The following KCNK10 variants were observed in gnomAD, a reference collection of about 807,000 sequenced individuals.
KCNK10 encodes potassium channel subfamily K member 10.
KCNK10 carries 25 observed loss-of-function variants against 47.7 expected under a neutral mutation model. The ratio of observed to expected loss-of-function variants is 0.52; its 90% CI spans 0.38 to 0.73. The LOEUF (loss-of-function observed/expected upper bound fraction) is 0.73, where lower values mean the gene tolerates loss of function less well. KCNK10 is among the 30% of genes least tolerant of loss of function. The probability of loss-of-function intolerance (pLI) is 0.00; values close to 1 mark genes in which losing one functional copy is unlikely to be tolerated. For synonymous variants in KCNK10, 303 were observed against 285.6 expected (o/e 1.06, Z -0.61); for missense variants, 563 against 714.5 (o/e 0.79, Z 2.42).
At chr14:88,192,150 G>T (rs968657156) in intron 5 of KCNK10, 74 bp downstream of exon 5, 47 of 1,384,058 alleles carry the variant, frequency 3.4e-5, no homozygotes, top group Non-Finnish European at 4.3e-5. Flanking sequence ...ATCTTTTATC[G>T]ATTGCGAAAA....
chr14:88,300,155 C>T (rs527572713), intron 1 of KCNK10, among the ~76,000 whole-genome samples: 1 of 152,268 alleles, frequency 6.6e-6, no homozygotes, highest in South Asian at 2.1e-4. Context: ...CCTTTCTATC[C>T]CTTGAGCAAA....
At position 88,260,249 on chromosome 14, in the gene KCNK10, T is replaced by C. The variant is rs1887073841; in HGVS notation, c.402+2953A>G. 1.3e-5 allele frequency among the ~76,000 whole-genome samples: 2 copies of C among 152,114 alleles called. No individual in the cohort carries two copies. The highest frequency in any genetic ancestry group is 2.4e-5 in the African/African-American group (1 of 41,424). ...TAAGCCACCGCGCCAGGCCAAGATA[T>C]GGTTGTTTAAAAGTGTGTAGCATCC... On this transcript the variant is annotated intron_variant, in intron 2 of 6. Coordinates refer to ENST00000319231, the MANE Select transcript of KCNK10 (RefSeq NM_138317.3). The surrounding 1 kb of genome is among the most constrained non-coding windows in gnomAD (Gnocchi z 4.5).
chr14:88,283,729 G>A (rs1048032549), intron 1 of KCNK10, among the ~76,000 whole-genome samples: 1 of 152,100 alleles, frequency 6.6e-6, no homozygotes, highest in African/African-American at 2.4e-5. Flanking sequence ...GGCCAACATG[G>A]TGAAACCCCG....
chr14:88,199,786 A>C (rs1038121255), intron 4 of KCNK10, among the ~76,000 whole-genome samples: 1 of 152,226 alleles, frequency 6.6e-6, no homozygotes, highest in African/African-American at 2.4e-5. Flanking sequence ...CTATAGGCCC[A>C]GGAATAAAGG....
At chr14:88,307,779 T>C (rs1439305286) in intron 1 of KCNK10, among the ~76,000 whole-genome samples, 2 of 152,116 alleles carry the variant, frequency 1.3e-5, no homozygotes, top group African/African-American at 4.8e-5. Flanking sequence ...AATTACATAT[T>C]ATATGTTAAG....
chr14:88,199,413 G>C (rs1885028716), intron 4 of KCNK10, among the ~76,000 whole-genome samples: 1 of 152,176 alleles, frequency 6.6e-6, no homozygotes, highest in Non-Finnish European at 1.5e-5. Context: ...TGGGTTTCTT[G>C]CTAAGGGTGC....
chr14:88,270,541 C>T (rs1887379373), intron 1 of KCNK10, among the ~76,000 whole-genome samples: 1 of 152,156 alleles, frequency 6.6e-6, no homozygotes, highest in African/African-American at 2.4e-5. Flanking sequence ...AGCATTGCTC[C>T]CTGCTGTCTT....
At chr14:88,276,848 C>A (rs1017272196) in intron 1 of KCNK10, among the ~76,000 whole-genome samples, 5 of 152,264 alleles carry the variant, frequency 3.3e-5, no homozygotes, top group Non-Finnish European at 7.3e-5. Flanking sequence ...TCAGCTACAG[C>A]TGTCATGATA....
intron 2 of KCNK10, among the ~76,000 whole-genome samples, chr14:88,245,775 A>G (rs1886620132): frequency 6.6e-6 from 1 of 152,244 alleles, no homozygotes; most frequent in East Asian, 1.9e-4. Flanking sequence ...GGACGCTAAT[A>G]GCTGGATGAC....
chr14:88,246,547 T>C (rs532733595), intron 2 of KCNK10, among the ~76,000 whole-genome samples: 2 of 152,358 alleles, frequency 1.3e-5, no homozygotes, highest in African/African-American at 2.4e-5. Flanking sequence ...CATATAAATA[T>C]TCCACAGCCA....
At chr14:88,231,694 G>T (rs193190376) in intron 3 of KCNK10, among the ~76,000 whole-genome samples, 282 of 152,318 alleles carry the variant, frequency 1.9e-3, no homozygotes, top group African/African-American at 6.3e-3. Context: ...CTGAGAAAGG[G>T]ACTAGGGTGC....
At chr14:88,242,821 C>T (rs1886519695) in intron 2 of KCNK10, among the ~76,000 whole-genome samples, 3 of 152,166 alleles carry the variant, frequency 2.0e-5, no homozygotes, top group Admixed American at 1.3e-4. Context: ...TCTTCATTAT[C>T]AATTCAGCTC....
chr14:88,242,117 A>G (rs1350958817), intron 2 of KCNK10, among the ~76,000 whole-genome samples: 1 of 152,244 alleles, frequency 6.6e-6, no homozygotes, highest in Non-Finnish European at 1.5e-5. Flanking sequence ...TAGGGAGAGC[A>G]AGACACAAAT....
At chr14:88,314,913 T>C (rs761869750) in intron 1 of KCNK10, among the ~76,000 whole-genome samples, 2 of 152,104 alleles carry the variant, frequency 1.3e-5, no homozygotes, top group Non-Finnish European at 2.9e-5. Flanking sequence ...CACAGAAAAA[T>C]GAAGCAATGT....
At chr14:88,284,770 C>T (rs959202053) in intron 1 of KCNK10, among the ~76,000 whole-genome samples, 1 of 152,118 alleles carries the variant, frequency 6.6e-6, no homozygotes, top group Non-Finnish European at 1.5e-5. Flanking sequence ...ATGTTAATCT[C>T]CCCTACAACA....
At chr14:88,326,593 C>T, upstream of KCNK10, 1 of 675,074 alleles carries the variant, frequency 1.5e-6, no homozygotes, top group South Asian at 1.8e-5. Flanking sequence ...AACATCGTGG[C>T]GCAAAGTCTC....
intron 4 of KCNK10, among the ~76,000 whole-genome samples, chr14:88,207,620 A>G (rs1885323901): frequency 6.6e-6 from 1 of 152,200 alleles, no homozygotes; most frequent in Admixed American, 6.5e-5. Flanking sequence ...TCCAGCTTCA[A>G]GGTCATTTTC....
intron 1 of KCNK10, among the ~76,000 whole-genome samples, chr14:88,267,393 C>T (rs182118693): frequency 1.5e-4 from 22 of 148,356 alleles, no homozygotes; most frequent in East Asian, 5.9e-4. Context: ...TTTTTTGAGA[C>T]GGAGTCTTGC....
chr14:88,276,887 C>T (rs1887537431), intron 1 of KCNK10, among the ~76,000 whole-genome samples: 1 of 152,224 alleles, frequency 6.6e-6, no homozygotes, highest in South Asian at 2.1e-4. Flanking sequence ...AAGTGTACCT[C>T]CCTATAAACA....
Sources: gnomAD v4.1 joint callset for allele counts (sites outside exome capture counted in the v4.1 genomes callset) on GRCh38, gnomAD v4.1.1 for gene constraint, Gnocchi (gnomAD v3.1) non-coding constraint, MANE v1.5 for transcripts, NCBI Gene and HGNC (gene_info 2026-07-23, HGNC 2026-07-21) for gene names.